Variants in KANSL1 observed in about 807,000 individuals in gnomAD.
The protein encoded by KANSL1 is MLL1/MLL complex subunit KANSL1.
KANSL1 carries 22 observed loss-of-function variants against 103.6 expected under a neutral mutation model. That is an observed-to-expected ratio of 0.21 (90% CI 0.15 to 0.30). KANSL1 has a LOEUF of 0.30. KANSL1 is among the 10% of genes least tolerant of loss of function. KANSL1 has a pLI of 1.00. For missense variants in KANSL1, 1,337 were observed against 1,399.8 expected (o/e 0.96, Z 0.72); for synonymous variants, 600 against 527.6 (o/e 1.14, Z -1.88).
rs560430655 is a variant in KANSL1 at position 46,112,545 on chromosome 17, C to A, written c.1290-17844G>T. On this transcript the variant is annotated intron_variant, in intron 2 of 14. Transcript: ENST00000432791. ...ACTAAAAATACAAAAATTAGCCGGA[C>A]ATGGTGGTGTGTGCCTGTAGTATCA... is the stretch of plus-strand genomic sequence containing the variant. Among the ~76,000 whole-genome samples, 553 of 151,636 alleles carry A rather than the reference C, an allele frequency of 3.6e-3. 3 individuals are homozygous for A. Among genetic ancestry groups the A allele is most frequent in the Non-Finnish European group, 7.0e-3 (474 of 67,930 alleles).
Position 46,039,779 on chromosome 17 carries a change from G to A in KANSL1, c.2126C>T (p.Ala709Val). 1 of 1,614,202 alleles carries A rather than the reference G, an allele frequency of 6.2e-7. No homozygotes were observed. The highest frequency in any genetic ancestry group is 8.5e-7 in the Non-Finnish European group (1 of 1,180,040). The change falls in exon 8 of 15, where the codon GCA becomes GTA. Residue 709 changes from alanine to valine, a missense_variant. This residue lies in a region of KANSL1 where 780 missense variants were observed against 923.4 expected (regional missense o/e 0.84). Transcript: ENST00000432791. ...PPKKLSLKHR[A>V]PMPGSLPDSA... is the part of the protein sequence containing the mutation. Reference sequence around the variant, plus strand: ...ATCTGGCAGACTGCCCGGCATGGGTGCTCTGTGCTTAAGCGATAACTTTTT... The same window carrying A: ...ATCTGGCAGACTGCCCGGCATGGGTACTCTGTGCTTAAGCGATAACTTTTT...
intron 4 of KANSL1, among the ~76,000 whole-genome samples, chr17:46,070,744 TG>T (rs1417485161): frequency 6.6e-6 from 1 of 152,056 alleles, no homozygotes; most frequent in Admixed American, 6.6e-5. Context: ...GATTTATATA[TG>T]GTATATATAA....
intron 4 of KANSL1, among the ~76,000 whole-genome samples, chr17:46,068,936 A>AT (rs1313585395): frequency 6.6e-6 from 1 of 151,958 alleles, no homozygotes; most frequent in Non-Finnish European, 1.5e-5. Flanking sequence ...TCCTTACTTT[A>AT]TTTTTTTGAG....
chr17:46,070,126 G>A (rs1417951258), intron 4 of KANSL1, among the ~76,000 whole-genome samples: 1 of 152,134 alleles, frequency 6.6e-6, no homozygotes, highest in Non-Finnish European at 1.5e-5. Context: ...TACCCTAAAG[G>A]AGTAACTCAA....
intron 2 of KANSL1, among the ~76,000 whole-genome samples, chr17:46,103,373 C>G (rs2042400167): frequency 6.6e-6 from 1 of 152,176 alleles, no homozygotes; most frequent in South Asian, 2.1e-4. Context: ...TATTTTTAAG[C>G]CAATTCCCAA....
chr17:46,043,609 A>T (rs950931655), intron 7 of KANSL1: 3 of 152,212 alleles, frequency 2.0e-5, no homozygotes, highest in African/African-American at 7.2e-5. Flanking sequence ...AAATAACTCC[A>T]GACAGTTACT....
At chr17:46,059,647 A>AAGAGAGAAGAGAGAGAGAGAGAGAG (rs2078084973) in intron 6 of KANSL1, among the ~76,000 whole-genome samples, 1 of 54,830 alleles carries the variant, frequency 1.8e-5, no homozygotes, top group African/African-American at 6.7e-5. Context: ...AAAAAAAAAA[A>AAGAGAGAAGAGAGAGAGAGAGAGAG]AGAGAGAGAG....
chr17:46,055,984 G>T (rs925276290), intron 6 of KANSL1, among the ~76,000 whole-genome samples: 2 of 152,072 alleles, frequency 1.3e-5, no homozygotes, highest in African/African-American at 2.4e-5. Flanking sequence ...TCTAAATAAA[G>T]ATTTATTCAT....
intron 2 of KANSL1, among the ~76,000 whole-genome samples, chr17:46,118,351 T>C (rs745360256): frequency 1.3e-5 from 2 of 152,254 alleles, no homozygotes; most frequent in Non-Finnish European, 2.9e-5. Flanking sequence ...AGCTAAACAG[T>C]AGCCAATCCC....
intron 2 of KANSL1, among the ~76,000 whole-genome samples, chr17:46,162,281 G>T (rs1302417561): frequency 6.6e-6 from 1 of 152,136 alleles, no homozygotes; most frequent in East Asian, 1.9e-4. Context: ...GTCCACTTTG[G>T]TCCATGTTTA....
rs181580159 is a variant in KANSL1 at position 46,207,189 on chromosome 17, C to G, written c.-90+16482G>C. Among the ~76,000 whole-genome samples, 220 of 152,230 alleles carry G rather than the reference C, an allele frequency of 1.4e-3. 1 individual carries two copies. The highest frequency in any genetic ancestry group is 5.1e-3 in the African/African-American group (212 of 41,512). On this transcript the variant is annotated intron_variant, in intron 1 of 14. Coordinates refer to the KANSL1 transcript ENST00000572904. ...ACTCAGGAGCTTGAGGCAGAAGGAA[C>G]CCTTGAGTCCAGGAGTTTGAAGTTC...
At chr17:46,206,017 C>T (rs1194578572) in intron 1 of KANSL1, among the ~76,000 whole-genome samples, 2 of 142,820 alleles carry the variant, frequency 1.4e-5, no homozygotes, top group Non-Finnish European at 3.0e-5. Context: ...GTTACAGCTG[C>T]AGTGAGCCAT....
At chr17:46,053,682 G>A (rs544640719) in intron 6 of KANSL1, among the ~76,000 whole-genome samples, 4 of 152,150 alleles carry the variant, frequency 2.6e-5, no homozygotes, top group Admixed American at 6.5e-5. Flanking sequence ...TGATCTGCCC[G>A]CCTCGGCCTC....
intron 1 of KANSL1, among the ~76,000 whole-genome samples, chr17:46,206,180 A>G (rs1201337091): frequency 6.6e-6 from 1 of 152,188 alleles, no homozygotes; most frequent in Non-Finnish European, 1.5e-5. Flanking sequence ...TATTCCCTAA[A>G]TTGATCTACA....
At chr17:46,147,644 A>G (rs977493908) in intron 2 of KANSL1, among the ~76,000 whole-genome samples, 4 of 152,000 alleles carry the variant, frequency 2.6e-5, no homozygotes, top group Non-Finnish European at 4.4e-5. Context: ...ATCTCAACTG[A>G]TAAGATACTA....
At chr17:46,125,653 A>G (rs2043520294) in intron 2 of KANSL1, among the ~76,000 whole-genome samples, 1 of 152,260 alleles carries the variant, frequency 6.6e-6, no homozygotes. Flanking sequence ...CAGGACAGCT[A>G]CATTCAAAGG....
chr17:46,033,831 T>C (rs1449190823), intron 11 of KANSL1, among the ~76,000 whole-genome samples: 1 of 152,202 alleles, frequency 6.6e-6, no homozygotes, highest in East Asian at 1.9e-4. Context: ...CAACAAAAGC[T>C]GGAAACAAAG....
At chr17:46,040,244 ATAAAGT>A (rs2146374372) in intron 7 of KANSL1, 1 of 259,408 alleles carries the variant, frequency 3.9e-6, no homozygotes, top group East Asian at 9.1e-5. Context: ...TTCTATCAAT[ATAAAGT>A]TAATCAGGAT....
At chr17:46,224,074 ATAAAG>A (rs2048610574), upstream of KANSL1, among the ~76,000 whole-genome samples, 1 of 152,176 alleles carries the variant, frequency 6.6e-6, no homozygotes. Flanking sequence ...CCCAGAGAGA[ATAAAG>A]TAATTTTCCA....
Sources: allele counts gnomAD v4.1 joint callset (sites outside exome capture counted in the v4.1 genomes callset), GRCh38; gene constraint gnomAD v4.1.1; regional missense constraint gnomAD v4.1.1; transcripts MANE v1.5; gene names NCBI Gene and HGNC (gene_info 2026-07-23, HGNC 2026-07-21).